Variants in CSMD3 observed in about 807,000 individuals in gnomAD.
The protein encoded by CSMD3 is CUB and sushi domain-containing protein 3.
CSMD3 carries 177 observed loss-of-function variants against 435.2 expected under a neutral mutation model. That is an observed-to-expected ratio of 0.41 (90% CI 0.36 to 0.46). The LOEUF is 0.46. Ranked by LOEUF, CSMD3 falls within the 20% of genes least tolerant of loss-of-function variation. The probability of loss-of-function intolerance (pLI) is 0.34; values close to 1 mark genes in which losing one functional copy is unlikely to be tolerated. For missense variants in CSMD3, 4,265 were observed against 4,504.6 expected (o/e 0.95, Z 1.52); for synonymous variants, 1,656 against 1,520.5 (o/e 1.09, Z -2.07).
chr8:112,338,876 T>C (rs1824823980), intron 42 of CSMD3, among the ~76,000 whole-genome samples: 1 of 152,150 alleles, frequency 6.6e-6, no homozygotes, highest in Admixed American at 6.6e-5. Flanking sequence ...CTATTAAATA[T>C]ACCCTTTCAA....
At chr8:112,983,399 T>C (rs1278984464) in intron 6 of CSMD3, among the ~76,000 whole-genome samples, 1 of 151,632 alleles carries the variant, frequency 6.6e-6, no homozygotes, top group Non-Finnish European at 1.5e-5. Flanking sequence ...TGCTTTTATG[T>C]ATGTGATATG....
At chr8:112,514,568 C>T (rs1373862919) in intron 28 of CSMD3, among the ~76,000 whole-genome samples, 4 of 152,142 alleles carry the variant, frequency 2.6e-5, no homozygotes, top group East Asian at 1.9e-4. Flanking sequence ...AGCCCACTCA[C>T]ATTAATGTCT....
In CSMD3 at chr8:113,278,604, C is replaced by T. The variant is rs146475008; in HGVS notation, c.502G>A (p.Val168Ile). Residue 168 changes from valine (V) to isoleucine (I), a missense_variant, in exon 3 of 71, where the codon GTA becomes ATA. Val to Ile is a conservative substitution (Grantham distance 29). Coordinates refer to ENST00000297405, the MANE Select transcript of CSMD3 (RefSeq NM_198123.2). Reference sequence around the variant, plus strand: ...TACCATCACTTACCTTCGTAATATACCTTAAATCCATGAGCACTAACTGCA... The same window carrying T: ...TACCATCACTTACCTTCGTAATATATCTTAAATCCATGAGCACTAACTGCA... ...DFAVSAHGFK[V>I]YYEELQSSSC... The T allele has an allele frequency of 4.0e-4, 611 of 1,532,980 alleles. No homozygotes were observed. Among genetic ancestry groups the T allele is most frequent in the Non-Finnish European group, 5.3e-4 (584 of 1,106,814 alleles). 95.0% of individuals were successfully genotyped at this position (1,532,980 alleles called of 1,614,324 possible). A position where few individuals can be genotyped will look rare whatever the true frequency, so the allele number is the denominator to read the frequency against.
At chr8:112,945,237 A>C (rs1055850511) in intron 9 of CSMD3, among the ~76,000 whole-genome samples, 3 of 151,704 alleles carry the variant, frequency 2.0e-5, no homozygotes, top group African/African-American at 7.2e-5. Flanking sequence ...TCTTCAAAAG[A>C]TATCTTGAAT....
rs139092367 is a variant in CSMD3 at position 112,506,729 on chromosome 8, G to A, written c.4857C>T (p.Thr1619=). The A allele has an allele frequency of 1.7e-4, 273 of 1,612,988 alleles. 2 individuals carry two copies. In the African/African-American group the frequency reaches 3.2e-3, roughly 19 times the overall value. The change falls in exon 29 of 71, where the codon ACC becomes ACT. Residue 1619 remains threonine, a synonymous_variant. Transcript: ENST00000297405. ...AGGAGATAACATAGTCTGCATTGAC[G>A]GTGATAGTCCAGTCACAGTCTCTGC... ...PHSRDCDWTI[T]VNADYVISLA...
chr8:112,915,916 C>G (rs1307500543), intron 10 of CSMD3, among the ~76,000 whole-genome samples: 1 of 151,742 alleles, frequency 6.6e-6, no homozygotes, highest in Admixed American at 6.6e-5. Context: ...CTAAAAATAT[C>G]CTTAACAAGT....
intron 10 of CSMD3, 62 bp downstream of exon 10, chr8:112,921,565 T>A: frequency 7.5e-7 from 1 of 1,332,960 alleles, no homozygotes. Context: ...GCAACTTAAT[T>A]ACAATGAAAT....
At chr8:112,628,552 T>C (rs954833757) in intron 22 of CSMD3, among the ~76,000 whole-genome samples, 4 of 152,170 alleles carry the variant, frequency 2.6e-5, no homozygotes, top group African/African-American at 9.7e-5. Flanking sequence ...CAGAATTGAC[T>C]CTATTTTCCT....
At chr8:113,390,204 G>T (rs1292653330) in intron 1 of CSMD3, among the ~76,000 whole-genome samples, 6 of 151,778 alleles carry the variant, frequency 4.0e-5, no homozygotes, top group Non-Finnish European at 8.9e-5. Context: ...CACAGGGCAA[G>T]TTCCCTGGGC....
At chr8:112,713,996 A>G (rs1410382389) in intron 13 of CSMD3, among the ~76,000 whole-genome samples, 1 of 152,180 alleles carries the variant, frequency 6.6e-6, no homozygotes, top group East Asian at 1.9e-4. Context: ...CAAAGACACT[A>G]TGAAGAAACT....
chr8:112,301,328 T>A (rs1044261601), intron 53 of CSMD3, among the ~76,000 whole-genome samples: 9 of 152,008 alleles, frequency 5.9e-5, no homozygotes, highest in Non-Finnish European at 1.3e-4. Flanking sequence ...AATTTTTTTT[T>A]AATTTTAATA....
intron 5 of CSMD3, among the ~76,000 whole-genome samples, chr8:113,074,893 G>A (rs2089275485): frequency 6.6e-6 from 1 of 151,664 alleles, no homozygotes; most frequent in African/African-American, 2.4e-5. Context: ...CTATCTTCCA[G>A]GAGAATAAAA....
At chr8:112,306,766 C>CCAGGACT (rs1821458686) in intron 50 of CSMD3, among the ~76,000 whole-genome samples, 1 of 152,054 alleles carries the variant, frequency 6.6e-6, no homozygotes. Context: ...AAATACAAGG[C>CCAGGACT]CAGGACTTAC....
intron 22 of CSMD3, among the ~76,000 whole-genome samples, chr8:112,606,656 A>C (rs1245898409): frequency 6.6e-6 from 1 of 152,218 alleles, no homozygotes; most frequent in African/African-American, 2.4e-5. Flanking sequence ...ACAAGTCCGA[A>C]CAAATTCAAG....
intron 54 of CSMD3, among the ~76,000 whole-genome samples, chr8:112,295,347 T>G (rs1290854676): frequency 6.6e-6 from 1 of 152,118 alleles, no homozygotes; most frequent in East Asian, 1.9e-4. Context: ...ATGTCATGCC[T>G]AATGATAATA....
chr8:112,686,744 CG>C (rs1156430518), intron 14 of CSMD3, among the ~76,000 whole-genome samples: 4 of 151,988 alleles, frequency 2.6e-5, no homozygotes, highest in Non-Finnish European at 4.4e-5. Context: ...CCTCGGCCTC[CG>C]TAAGTAATGG....
chr8:113,063,752 T>G (rs940968328), intron 5 of CSMD3, among the ~76,000 whole-genome samples: 1 of 151,956 alleles, frequency 6.6e-6, no homozygotes, highest in Non-Finnish European at 1.5e-5. Flanking sequence ...ATATCCTATC[T>G]ACTTCAGGTG....
rs183426261 is a variant in CSMD3 at position 112,304,174 on chromosome 8, T to C, written c.8266+547A>G. Among the ~76,000 whole-genome samples the C allele has an allele frequency of 4.7e-4, 71 of 152,304 alleles. 1 individual carries two copies. The highest frequency in any genetic ancestry group is 3.4e-3 in the Middle Eastern group (1 of 294). ...ATTTCAATTGTGTCATACCATTAAA[T>C]GTTTGCAGTAACTCTACATGACAGG... On this transcript the variant is annotated intron_variant, in intron 52 of 70. Transcript: ENST00000297405.
At chr8:112,390,067 T>C (rs556354148) in intron 36 of CSMD3, among the ~76,000 whole-genome samples, 1 of 152,350 alleles carries the variant, frequency 6.6e-6, no homozygotes, top group Non-Finnish European at 1.5e-5. Flanking sequence ...ATACGTAATA[T>C]AGTTTTATTT....
Sources: gnomAD v4.1 joint callset for allele counts (sites outside exome capture counted in the v4.1 genomes callset) on GRCh38, gnomAD v4.1.1 for gene constraint, MANE v1.5 for transcripts, NCBI Gene and HGNC (gene_info 2026-07-23, HGNC 2026-07-21) for gene names.